The following PPM1E variants were observed in gnomAD, a reference collection of about 807,000 sequenced individuals.
PPM1E encodes the protein protein phosphatase 1E.
A neutral mutation model predicts 65.9 loss-of-function variants in PPM1E; 20 were observed. That is an observed-to-expected ratio of 0.30 (90% CI 0.21 to 0.44). The LOEUF (loss-of-function observed/expected upper bound fraction) is 0.44, where lower values mean the gene tolerates loss of function less well. Ranked by LOEUF, PPM1E falls within the 20% of genes least tolerant of loss-of-function variation. PPM1E has a pLI of 1.00. For missense variants in PPM1E, 713 were observed against 953.1 expected (o/e 0.75, Z 3.32); for synonymous variants, 352 against 374.9 (o/e 0.94, Z 0.70).
At chr17:58,852,692 C>A (rs912604230) in intron 1 of PPM1E, among the ~76,000 whole-genome samples, 5 of 151,510 alleles carry the variant, frequency 3.3e-5, no homozygotes, top group Non-Finnish European at 7.4e-5. Context: ...CAACTTCCAC[C>A]TCCTGGGTTC....
chr17:58,965,957 G>C (rs1465826760), intron 3 of PPM1E, 64 bp downstream of exon 3: 6 of 1,487,698 alleles, frequency 4.0e-6, no homozygotes, highest in Non-Finnish European at 4.6e-6. Context: ...TCATGGTCCT[G>C]TTAGAAAAGG....
At chr17:58,969,798 G>T (rs2030479093) in intron 4 of PPM1E, 71 bp downstream of exon 4, 1 of 1,407,988 alleles carries the variant, frequency 7.1e-7, no homozygotes, top group Admixed American at 2.0e-5. Flanking sequence ...TGTGGTTAAA[G>T]GGCTATTTAG....
At chr17:58,868,568 CTTT>C (rs533820677) in intron 1 of PPM1E, among the ~76,000 whole-genome samples, 9 of 128,296 alleles carry the variant, frequency 7.0e-5, no homozygotes, top group Non-Finnish European at 9.8e-5. Context: ...AATGTCCAGG[CTTT>C]TTTTTTTTTT....
intron 1 of PPM1E, among the ~76,000 whole-genome samples, chr17:58,852,425 G>A (rs2050836343): frequency 6.6e-6 from 1 of 151,838 alleles, no homozygotes; most frequent in Non-Finnish European, 1.5e-5. Flanking sequence ...CAGTGCACAG[G>A]GTTCTGATTT....
intron 1 of PPM1E, among the ~76,000 whole-genome samples, chr17:58,793,299 T>C (rs1312444628): frequency 6.6e-6 from 1 of 152,094 alleles, no homozygotes; most frequent in Non-Finnish European, 1.5e-5. Flanking sequence ...CTACATATAA[T>C]ACACTAACAT....
At chr17:58,909,629 C>A (rs568027525) in intron 1 of PPM1E, among the ~76,000 whole-genome samples, 18 of 152,062 alleles carry the variant, frequency 1.2e-4, no homozygotes, top group Non-Finnish European at 1.8e-4. Flanking sequence ...TCACTCTGTT[C>A]TCTTCTTGCT....
At chr17:58,947,627 C>T (rs959486939) in intron 1 of PPM1E, among the ~76,000 whole-genome samples, 1 of 151,380 alleles carries the variant, frequency 6.6e-6, no homozygotes, top group South Asian at 2.1e-4. Flanking sequence ...TCTCGGTTCT[C>T]CTTTTACAGA....
chr17:58,930,248 T>TACACACACACACACAC (rs563715161), intron 1 of PPM1E, among the ~76,000 whole-genome samples: 4 of 142,190 alleles, frequency 2.8e-5, no homozygotes, highest in African/African-American at 1.0e-4. Context: ...ATTAAATGTA[T>TACACACACACACACAC]ATACACACAC....
At chr17:58,831,575 T>A (rs997091290) in intron 1 of PPM1E, among the ~76,000 whole-genome samples, 5 of 152,194 alleles carry the variant, frequency 3.3e-5, no homozygotes, top group African/African-American at 9.6e-5. Context: ...TAGGTATTTC[T>A]TCTGTATAAT....
chr17:58,796,422 C>T (rs1417183539), intron 1 of PPM1E, among the ~76,000 whole-genome samples: 1 of 152,106 alleles, frequency 6.6e-6, no homozygotes, highest in East Asian at 1.9e-4. Context: ...AGGCATGTGC[C>T]ACCAAGCCTG....
At chr17:58,859,774 G>A (rs138829088) in intron 1 of PPM1E, among the ~76,000 whole-genome samples, 10 of 152,314 alleles carry the variant, frequency 6.6e-5, no homozygotes, top group African/African-American at 4.8e-5. Context: ...ATAAGTAACA[G>A]CTTCCACCAC....
At chr17:58,911,028 G>A (rs890450662) in intron 1 of PPM1E, among the ~76,000 whole-genome samples, 1 of 152,098 alleles carries the variant, frequency 6.6e-6, no homozygotes, top group African/African-American at 2.4e-5. Flanking sequence ...CCCTCTGACT[G>A]GGTCTTCCTG....
intron 1 of PPM1E, among the ~76,000 whole-genome samples, chr17:58,936,688 G>T (rs144051059): frequency 6.6e-6 from 1 of 152,094 alleles, no homozygotes; most frequent in Non-Finnish European, 1.5e-5. Context: ...GTCTTAAAAT[G>T]TATATTGTCT....
intron 1 of PPM1E, among the ~76,000 whole-genome samples, chr17:58,830,298 A>T (rs1035311011): frequency 6.7e-6 from 1 of 149,404 alleles, no homozygotes; most frequent in East Asian, 2.0e-4. Context: ...TGTTGTTATT[A>T]TTATTATTAT....
chr17:58,818,625 C>T lies in PPM1E; in HGVS notation c.464+62164C>T, dbSNP rs1323307622. 2.0e-5 allele frequency among the ~76,000 whole-genome samples: 3 copies of T among 152,126 alleles called. No individual in the cohort carries two copies. In the South Asian group the frequency reaches 6.2e-4, roughly 32 times the overall value. On this transcript the variant is annotated intron_variant, in intron 1 of 6. Transcript: ENST00000308249. ...CAAGTTCATTATTTGCTTGGTATTTCAGGTACTGGCAACCCATATATGAGC... is the reference window on the plus strand; with the variant it reads ...CAAGTTCATTATTTGCTTGGTATTTTAGGTACTGGCAACCCATATATGAGC...
intron 6 of PPM1E, among the ~76,000 whole-genome samples, chr17:58,976,638 A>G (rs2143782802): frequency 6.6e-6 from 1 of 152,356 alleles, no homozygotes; most frequent in South Asian, 2.1e-4. Context: ...GTTGAAGACA[A>G]AAGGATGTTG....
chr17:58,934,995 G>C (rs2051959214), intron 1 of PPM1E, among the ~76,000 whole-genome samples: 1 of 151,360 alleles, frequency 6.6e-6, no homozygotes, highest in Non-Finnish European at 1.5e-5. Context: ...GCTCACGCCT[G>C]TAATCCCAGC....
intron 2 of PPM1E, among the ~76,000 whole-genome samples, chr17:58,962,508 A>G (rs1446991204): frequency 6.6e-6 from 1 of 152,174 alleles, no homozygotes; most frequent in Non-Finnish European, 1.5e-5. Flanking sequence ...TGTTATGGCT[A>G]TGTCAGATGA....
intron 6 of PPM1E, among the ~76,000 whole-genome samples, chr17:58,973,856 G>A (rs987398668): frequency 6.6e-6 from 1 of 150,796 alleles, no homozygotes; most frequent in Admixed American, 6.6e-5. Flanking sequence ...GGAGGTTGAG[G>A]CAGGAGAATC....
Sources: gnomAD v4.1 joint callset for allele counts (sites outside exome capture counted in the v4.1 genomes callset) on GRCh38, gnomAD v4.1.1 for gene constraint, MANE v1.5 for transcripts, NCBI Gene and HGNC (gene_info 2026-07-23, HGNC 2026-07-21) for gene names.